Variants in XKR6 observed in about 807,000 individuals in gnomAD.
The protein encoded by XKR6 is XK-related protein 6.
XKR6 carries 22 observed loss-of-function variants against 56.7 expected under a neutral mutation model. The observed-to-expected ratio is 0.39, with a 90% CI of 0.28 to 0.55. XKR6 has a LOEUF of 0.55. Among genes scored for constraint, XKR6 ranks in the 20% least tolerant of loss-of-function variants. The pLI is 0.66. For synonymous variants in XKR6, 524 were observed against 387.8 expected (o/e 1.35, Z -4.13); for missense variants, 852 against 889.0 (o/e 0.96, Z 0.53).
intron 1 of XKR6, among the ~76,000 whole-genome samples, chr8:11,001,387 C>T (rs1409315446): frequency 6.6e-6 from 1 of 152,112 alleles, no homozygotes; most frequent in Non-Finnish European, 1.5e-5. Flanking sequence ...TAATGCACTG[C>T]TCTGAGGCAC....
At chr8:11,026,389 TTAGATGGTCTAGCCTACTACACACC>T (rs1798864038) in intron 1 of XKR6, among the ~76,000 whole-genome samples, 4 of 130,466 alleles carry the variant, frequency 3.1e-5, no homozygotes, top group Admixed American at 7.6e-5. Flanking sequence ...TACTACACAC[TTAGATGGTCTAGCCTACTACACACC>T]TAGATGGTCT....
chr8:10,914,030 G>C (rs1338457471), intron 2 of XKR6, among the ~76,000 whole-genome samples: 1 of 152,202 alleles, frequency 6.6e-6, no homozygotes, highest in Non-Finnish European at 1.5e-5. Flanking sequence ...TCTTGCCTCG[G>C]GATGGCCCTT....
chr8:10,984,724 CTCTCTCTCTATA>C (rs1209719058), intron 1 of XKR6, among the ~76,000 whole-genome samples: 4 of 74,894 alleles, frequency 5.3e-5, no homozygotes, highest in East Asian at 2.1e-4. Context: ...CTCTCTCTCT[CTCTCTCTCTATA>C]TATATATATA....
intron 1 of XKR6, among the ~76,000 whole-genome samples, chr8:11,190,296 A>G (rs1053056928): frequency 2.8e-4 from 43 of 152,052 alleles, no homozygotes; most frequent in Non-Finnish European, 1.2e-4. Flanking sequence ...AAAAGAAAAG[A>G]AAAGAAAACA....
chr8:11,147,236 G>C (rs888266365), intron 1 of XKR6, among the ~76,000 whole-genome samples: 2 of 151,946 alleles, frequency 1.3e-5, no homozygotes, highest in Non-Finnish European at 1.5e-5. Context: ...AAATTAAATA[G>C]GTACAGCTTT....
At chr8:11,122,739 G>C (rs1406416895) in intron 1 of XKR6, among the ~76,000 whole-genome samples, 1 of 152,136 alleles carries the variant, frequency 6.6e-6, no homozygotes, top group Non-Finnish European at 1.5e-5. Context: ...CTGTCAATCT[G>C]TTAGCATCTC....
At chr8:11,196,198 C>G (rs1161148751) in intron 1 of XKR6, among the ~76,000 whole-genome samples, 1 of 152,146 alleles carries the variant, frequency 6.6e-6, no homozygotes, top group Non-Finnish European at 1.5e-5. Flanking sequence ...CATTACAGAT[C>G]ACTTATCCCA....
In XKR6 at chr8:11,008,705, A is replaced by C. The variant is rs543594092; in HGVS notation, c.765-83875T>G. Among the ~76,000 whole-genome samples, 8 of 151,880 alleles carry C rather than the reference A, an allele frequency of 5.3e-5. 1 individual carries two copies. Among genetic ancestry groups the C allele is most frequent in the African/African-American group, 1.9e-4 (8 of 41,434 alleles). On this transcript the variant is annotated intron_variant, in intron 1 of 2. Transcript: ENST00000416569. ...GCTGGGATTACAGGTGTGAACCACC[A>C]CCCCGGCCTCCCCAGACTTTCCAAA... is the stretch of plus-strand genomic sequence containing the variant.
chr8:11,162,608 T>G (rs181459408), intron 1 of XKR6, among the ~76,000 whole-genome samples: 313 of 152,340 alleles, frequency 2.1e-3, no homozygotes, highest in African/African-American at 7.3e-3. Flanking sequence ...CATATTTCCT[T>G]CTCCATAAAT....
chr8:10,971,597 G>A (rs955190282), intron 1 of XKR6, among the ~76,000 whole-genome samples: 2 of 152,126 alleles, frequency 1.3e-5, no homozygotes, highest in Non-Finnish European at 2.9e-5. Flanking sequence ...TAGGCCCAGA[G>A]AAGTTGAGCA....
At position 11,133,050 on chromosome 8, in the gene XKR6, T is replaced by G. The variant is rs1800193220; in HGVS notation, c.764+67526A>C. ...ATTCATTTGACATCTAATGTTATAGTGAGGAGACAGTGAGTTTCAAGTTGT... is the reference window on the plus strand; with the variant it reads ...ATTCATTTGACATCTAATGTTATAGGGAGGAGACAGTGAGTTTCAAGTTGT... On this transcript the variant is annotated intron_variant, in intron 1 of 2. Transcript: ENST00000416569. Among the ~76,000 whole-genome samples the G allele has an allele frequency of 2.6e-5, 4 of 152,100 alleles. No individual in the cohort carries two copies. The South Asian group carries it at 8.3e-4, about 32-fold the overall frequency.
intron 1 of XKR6, among the ~76,000 whole-genome samples, chr8:11,116,302 T>C (rs1237312301): frequency 6.6e-6 from 1 of 152,220 alleles, no homozygotes; most frequent in Non-Finnish European, 1.5e-5. Context: ...TGCTCATCTA[T>C]GTATCCCAAA....
At chr8:10,996,634 G>T (rs2129141835) in intron 1 of XKR6, among the ~76,000 whole-genome samples, 1 of 152,240 alleles carries the variant, frequency 6.6e-6, no homozygotes, top group South Asian at 2.1e-4. Context: ...ATATGTGAGG[G>T]GCAGGGGTAA....
intron 1 of XKR6, among the ~76,000 whole-genome samples, chr8:11,160,227 T>A (rs978799274): frequency 2.0e-5 from 3 of 152,210 alleles, no homozygotes; most frequent in Non-Finnish European, 4.4e-5. Context: ...CCTTATTGTT[T>A]CAGCCAGATA....
At chr8:11,139,939 G>T (rs2116929526) in intron 1 of XKR6, among the ~76,000 whole-genome samples, 1 of 152,252 alleles carries the variant, frequency 6.6e-6, no homozygotes, top group South Asian at 2.1e-4. Flanking sequence ...ATGTGAAAAT[G>T]ATACAAGCCA....
chr8:11,100,976 C>T (rs1323462281), intron 1 of XKR6, among the ~76,000 whole-genome samples: 1 of 152,204 alleles, frequency 6.6e-6, no homozygotes, highest in Non-Finnish European at 1.5e-5. Context: ...TCACCCATCT[C>T]CTGGAGAGAC....
At chr8:11,040,259 C>T (rs867063754) in intron 1 of XKR6, among the ~76,000 whole-genome samples, 2 of 151,534 alleles carry the variant, frequency 1.3e-5, no homozygotes, top group African/African-American at 4.9e-5. Context: ...CACAGCCTCA[C>T]GCCTGGAATC....
chr8:10,944,328 C>T (rs1160445275), intron 1 of XKR6, among the ~76,000 whole-genome samples: 5 of 152,174 alleles, frequency 3.3e-5, no homozygotes, highest in African/African-American at 1.2e-4. Context: ...ACTTAGTGAC[C>T]AGCACAGCTG....
intron 1 of XKR6, among the ~76,000 whole-genome samples, chr8:10,973,176 G>C (rs1264397497): frequency 1.3e-5 from 2 of 152,234 alleles, no homozygotes; most frequent in Admixed American, 6.5e-5. Context: ...CATCTATTTT[G>C]AAAGAGTGAG....
Sources: allele counts gnomAD v4.1 joint callset (sites outside exome capture counted in the v4.1 genomes callset), GRCh38; gene constraint gnomAD v4.1.1; transcripts MANE v1.5; gene names NCBI Gene and HGNC (gene_info 2026-07-23, HGNC 2026-07-21).